PBRM1: variants seen among roughly 807,000 people sequenced by gnomAD.
PBRM1 encodes the protein polybromo 1.
In PBRM1, 27 loss-of-function variants were observed where a neutral mutation model predicts 194.5. The observed-to-expected ratio is 0.14, with a 90% confidence interval of 0.10 to 0.19. The LOEUF is 0.19. PBRM1 is among the 10% of genes least tolerant of loss of function. The pLI is 1.00. For synonymous variants in PBRM1, 655 were observed against 693.2 expected, an observed-to-expected ratio of 0.94 and a Z score of 0.87; for missense variants, 1,466 against 2,077.2, an observed-to-expected ratio of 0.71 and a Z score of 5.72.
At chr3:52,638,358 ATTCTT>A (rs1201204682) in intron 10 of PBRM1, among the ~76,000 whole-genome samples, 1 of 148,694 alleles carries the variant, frequency 6.7e-6, no homozygotes, top group Non-Finnish European at 1.5e-5. Flanking sequence ...ATTTCATTTT[ATTCTT>A]TTTTTTTTTT....
intron 17 of PBRM1, among the ~76,000 whole-genome samples, chr3:52,603,072 T>G (rs1386215253): frequency 2.6e-5 from 4 of 152,220 alleles, no homozygotes; most frequent in African/African-American, 9.6e-5. Context: ...ACAATTAAAA[T>G]AAAACTTTTC....
intron 12 of PBRM1, among the ~76,000 whole-genome samples, chr3:52,628,395 G>A (rs575025111): frequency 2.7e-5 from 4 of 148,966 alleles, no homozygotes; most frequent in African/African-American, 7.3e-5. Flanking sequence ...AGTACTTGAG[G>A]ATGAAATACA....
At chr3:52,664,827 C>T (rs916751421) in intron 3 of PBRM1, among the ~76,000 whole-genome samples, 2 of 151,572 alleles carry the variant, frequency 1.3e-5, no homozygotes, top group African/African-American at 2.4e-5. Flanking sequence ...TCTAATATGA[C>T]ACCCAATCAG....
intron 26 of PBRM1, among the ~76,000 whole-genome samples, chr3:52,556,553 T>A (rs1013080902): frequency 6.6e-6 from 1 of 152,194 alleles, no homozygotes; most frequent in Non-Finnish European, 1.5e-5. Flanking sequence ...AGGAAATTAT[T>A]AAGAACTGAA....
chr3:52,617,292 A>G, exon 14 of PBRM1: 2 of 1,613,950 alleles, frequency 1.2e-6, no homozygotes, highest in Non-Finnish European at 1.7e-6. Flanking sequence ...AGTGCCTGGC[A>G]TTCCGGAACA....
chr3:52,591,541 C>T (rs1206844544), intron 17 of PBRM1, among the ~76,000 whole-genome samples: 15 of 92,304 alleles, frequency 1.6e-4, no homozygotes, highest in South Asian at 3.8e-4. Flanking sequence ...TTTTTTGAGA[C>T]GGAGTCTTGC....
intron 15 of PBRM1, among the ~76,000 whole-genome samples, chr3:52,612,258 CAAAAAAAA>C (rs566481465): frequency 2.1e-4 from 5 of 24,012 alleles, no homozygotes; most frequent in Admixed American, 1.9e-3. Context: ...GATTCCGTCT[CAAAAAAAA>C]AAAAAAAAAA....
At position 52,589,086 on chromosome 3, in the gene PBRM1, C is replaced by T. The variant is rs1277812551; in HGVS notation, c.2949G>A (p.Leu983=). 4 of 1,613,396 alleles carry T rather than the reference C, an allele frequency of 2.5e-6. No individual in the cohort carries two copies. In the African/African-American group the frequency reaches 5.3e-5, roughly 22 times the overall value. ...CAAACTTACCAGCTGAATCCTCCCACAGTCTTTCAATACAGACGATATGTG... is the reference window on the plus strand; with the variant it reads ...CAAACTTACCAGCTGAATCCTCCCATAGTCTTTCAATACAGACGATATGTG... The change falls in exon 18 of 30, where the codon CTG becomes CTA. Residue 983 remains leucine, a synonymous_variant. Coordinates refer to ENST00000296302, the Ensembl canonical transcript of PBRM1.
At chr3:52,603,776 T>C in intron 16 of PBRM1, 44 bp from the exon 19 acceptor site, 5 of 1,519,496 alleles carry the variant, frequency 3.3e-6, no homozygotes, top group Non-Finnish European at 4.5e-6. Flanking sequence ...AAGCTGTTTC[T>C]TTTAAACACC....
At chr3:52,662,683 G>A (rs2096748780) in intron 3 of PBRM1, among the ~76,000 whole-genome samples, 1 of 151,978 alleles carries the variant, frequency 6.6e-6, no homozygotes, top group Non-Finnish European at 1.5e-5. Context: ...AAAATTAGCT[G>A]GGCGTGGTGG....
chr3:52,683,669 T>C (rs537143730), upstream of PBRM1, among the ~76,000 whole-genome samples: 9 of 151,598 alleles, frequency 5.9e-5, no homozygotes, highest in African/African-American at 2.2e-4. Flanking sequence ...CAAAAAATTA[T>C]CTAGGCAAGG....
chr3:52,564,229 C>T, exon 23 of PBRM1: 1 of 1,610,072 alleles, frequency 6.2e-7, no homozygotes, highest in South Asian at 1.1e-5. Context: ...ACACAGCACA[C>T]TTTCCTGAAA....
intron 5 of PBRM1, among the ~76,000 whole-genome samples, chr3:52,656,337 C>T (rs1027037674): frequency 6.6e-6 from 1 of 152,022 alleles, no homozygotes; most frequent in Non-Finnish European, 1.5e-5. Context: ...TTACCCTGTC[C>T]CCTACACAAA....
chr3:52,625,341 G>T (rs2095412993), intron 13 of PBRM1, among the ~76,000 whole-genome samples: 2 of 152,116 alleles, frequency 1.3e-5, no homozygotes, highest in African/African-American at 4.8e-5. Context: ...GACTGATCGT[G>T]TTATTTCCTT....
At chr3:52,564,982 G>A (rs918529531) in intron 22 of PBRM1, among the ~76,000 whole-genome samples, 3 of 151,198 alleles carry the variant, frequency 2.0e-5, no homozygotes, top group Admixed American at 6.6e-5. Context: ...GCAGAAACAC[G>A]AGGTCAAGAG....
intron 22 of PBRM1, among the ~76,000 whole-genome samples, chr3:52,569,752 T>C (rs943461268): frequency 5.9e-5 from 9 of 152,368 alleles, no homozygotes; most frequent in African/African-American, 2.2e-4. Context: ...TAAGGTATTT[T>C]ATTAGTACTG....
At chr3:52,600,637 T>C (rs1174260196) in intron 17 of PBRM1, among the ~76,000 whole-genome samples, 1 of 152,164 alleles carries the variant, frequency 6.6e-6, no homozygotes, top group East Asian at 1.9e-4. Context: ...TTTCCTGGAA[T>C]CTGATAAATT....
At chr3:52,577,879 T>C (rs1342445560) in intron 21 of PBRM1, among the ~76,000 whole-genome samples, 5 of 152,172 alleles carry the variant, frequency 3.3e-5, no homozygotes. Flanking sequence ...TGTCACTCTG[T>C]GCTTGAAACA....
chr3:52,673,145 G>A lies in PBRM1; in HGVS notation c.237-4500C>T, dbSNP rs1363751105. Among the ~76,000 whole-genome samples, 9 of 150,992 alleles carry A rather than the reference G, an allele frequency of 6.0e-5. 1 individual carries two copies. The highest frequency in any genetic ancestry group is 5.9e-4 in the Admixed American group (9 of 15,180). ...TGGGATTACAGGCACCCACCACCAC[G>A]CCCGGCTAATTTTTGCATTTTTAGT... On this transcript the variant is annotated intron_variant, in intron 2 of 29. Transcript: ENST00000296302.
Sources: gnomAD v4.1 joint callset for allele counts (sites outside exome capture counted in the v4.1 genomes callset) on GRCh38, gnomAD v4.1.1 for gene constraint, MANE v1.5 for transcripts, NCBI Gene and HGNC (gene_info 2026-07-23, HGNC 2026-07-21) for gene names.